Variants in WFDC2 observed in about 807,000 individuals in gnomAD.
The protein encoded by WFDC2 is WAP four-disulfide core domain 2.
A neutral mutation model predicts 12.5 loss-of-function variants in WFDC2; 8 were observed. That is an observed-to-expected ratio of 0.64 (90% CI 0.37 to 1.15). The LOEUF is 1.15. WFDC2 is among the 50% of genes most tolerant of loss of function. The pLI, the probability that WFDC2 is intolerant of heterozygous loss-of-function variation, is 0.01. For synonymous variants in WFDC2, 74 were observed against 67.2 expected (o/e 1.10, Z -0.49); for missense variants, 166 against 159.9 (o/e 1.04, Z -0.21).
Position 45,470,304 on chromosome 20 carries a change from G to A in WFDC2, c.80-85G>A. 6.7e-7 allele frequency: 1 copy of A among 1,483,730 alleles called. No homozygotes were observed. Among genetic ancestry groups the A allele is most frequent in the Non-Finnish European group, 9.0e-7 (1 of 1,112,694 alleles). The allele number at this position is 1,483,730 out of a possible 1,614,324, so 91.9% of individuals were successfully genotyped here. A position where few individuals can be genotyped will look rare whatever the true frequency, so the allele number is the denominator to read the frequency against. ...AGGGCCAGAGACTGAGAATTCCTTGGGGTTAAGGTTTGGAGCAGGAGGTGG... is the reference window on the plus strand; with the variant it reads ...AGGGCCAGAGACTGAGAATTCCTTGAGGTTAAGGTTTGGAGCAGGAGGTGG... On this transcript the variant is annotated intron_variant, in intron 1 of 3. Coordinates refer to ENST00000372676, the MANE Select transcript of WFDC2 (RefSeq NM_006103.4). This position sits in a 1 kb window ranked among gnomAD's most constrained non-coding sequence, Gnocchi z 5.4.
intron 2 of WFDC2, among the ~76,000 whole-genome samples, chr20:45,477,074 T>C (rs1041483805): frequency 6.6e-6 from 1 of 152,064 alleles, no homozygotes; most frequent in Admixed American, 6.5e-5. Context: ...TAGCAATTCC[T>C]ATAACCTTTT....
chr20:45,475,098 C>G (rs1456243366), intron 2 of WFDC2, among the ~76,000 whole-genome samples: 1 of 152,022 alleles, frequency 6.6e-6, no homozygotes, highest in Non-Finnish European at 1.5e-5. Context: ...AGCAGTCAGA[C>G]TATTTTGTTG....
At position 45,469,880 on chromosome 20, in the gene WFDC2, G is replaced by T. The variant is rs1201876925; in HGVS notation, c.79+20G>T. 3 of 1,590,352 alleles carry T rather than the reference G, an allele frequency of 1.9e-6. No homozygotes were observed. Among genetic ancestry groups the T allele is most frequent in the Non-Finnish European group, 2.6e-6 (3 of 1,169,234 alleles). On this transcript the variant is annotated intron_variant, in intron 1 of 3. Transcript: ENST00000372676. ...TCTCAGGTGAGTGGGGCGGGGAGAG[G>T]CCCGGCGCCTAGAGGGGCCGAGCCA...
intron 2 of WFDC2, among the ~76,000 whole-genome samples, chr20:45,477,168 C>A (rs1297346829): frequency 6.6e-6 from 1 of 152,022 alleles, no homozygotes; most frequent in Non-Finnish European, 1.5e-5. Context: ...CCTTCTGAAG[C>A]CTACTTCTGT....
In WFDC2 at chr20:45,470,474, C is replaced by A. The variant is rs772005457; in HGVS notation, c.165C>A (p.Cys55Ter). Reference protein sequence around the residue: ...CTQECVSDSECADNLKCCSAG... With the variant: ...CTQECVSDSE ...AAGAGTGCGTCTCGGACAGCGAATG[C>A]GCCGACAACCTCAAGTGCTGCAGCG... Residue 55 changes from cysteine to a stop codon, truncating the protein, a stop_gained, in exon 2 of 4, where the codon TGC becomes TGA. Transcript: ENST00000372676. LOFTEE classifies it high-confidence loss of function. The surrounding 1 kb of genome is among the most constrained non-coding windows in gnomAD (Gnocchi z 5.4). 1.9e-6 allele frequency: 3 copies of A among 1,596,508 alleles called. No homozygotes were observed. The East Asian group carries it at 6.8e-5, about 36-fold the overall frequency.
rs1991161690 is a variant in WFDC2, at chr20:45,470,800, C to CGGGT, written c.223+271_223+272insTGGG. On this transcript the variant is annotated intron_variant, in intron 2 of 3. Transcript: ENST00000372676. This position sits in a 1 kb window ranked among gnomAD's most constrained non-coding sequence, Gnocchi z 5.4. ...TGACGGGCTTCCGGGCACGCACAGCCGGGACATTGTTCCCCGCGGCCTGGG... is the reference window on the plus strand; with the variant it reads ...TGACGGGCTTCCGGGCACGCACAGCCGGGTGGGACATTGTTCCCCGCGGCCTGGG... Among the ~76,000 whole-genome samples the CGGGT allele has an allele frequency of 6.6e-6, 1 of 152,150 alleles. No homozygotes were observed. Among genetic ancestry groups the CGGGT allele is most frequent in the African/African-American group, 2.4e-5 (1 of 41,454 alleles).
chr20:45,477,704 G>C (rs1206619769), intron 2 of WFDC2, among the ~76,000 whole-genome samples: 2 of 152,222 alleles, frequency 1.3e-5, no homozygotes, highest in African/African-American at 4.8e-5. Context: ...CAAATGCTGT[G>C]CTGGGAGATC....
chr20:45,469,982 C>A, intron 1 of WFDC2, 122 bp downstream of exon 1: 1 of 1,281,986 alleles, frequency 7.8e-7, no homozygotes, highest in Non-Finnish European at 1.1e-6. Context: ...GCGGAAGTGG[C>A]GGGGACCCTT....
chr20:45,477,733 C>G (rs55818401), intron 2 of WFDC2, among the ~76,000 whole-genome samples: 1,643 of 151,786 alleles, frequency 0.011, 28 homozygotes, highest in African/African-American at 0.038. Flanking sequence ...TCTTCAGAAC[C>G]GGCAGGCAGG....
chr20:45,479,782 G>A (rs1991277883), intron 2 of WFDC2, 160 bp from the exon 3 acceptor site: 3 of 1,613,710 alleles, frequency 1.9e-6, no homozygotes, highest in Admixed American at 1.7e-5. Flanking sequence ...GATCTTCCTG[G>A]GCCTCCTGAG....
At chr20:45,478,642 T>C (rs1991263057) in intron 2 of WFDC2, among the ~76,000 whole-genome samples, 1 of 152,120 alleles carries the variant, frequency 6.6e-6, no homozygotes, top group Non-Finnish European at 1.5e-5. Context: ...TTTTTTTTTT[T>C]TGAGATGGAG....
chr20:45,479,654 G>GGA (rs1991275255), intron 2 of WFDC2: 1 of 1,608,648 alleles, frequency 6.2e-7, no homozygotes, highest in African/African-American at 1.3e-5. Context: ...CTGTTCCACT[G>GGA]GCACCTAAAG....
Position 45,474,812 on chromosome 20 carries a change from CTTTTT to C in WFDC2, c.223+4283_223+4287del, listed in dbSNP as rs980588681. Among the ~76,000 whole-genome samples, 3 of 152,138 alleles carry C rather than the reference CTTTTT, an allele frequency of 2.0e-5. No individual in the cohort carries two copies. The South Asian group carries it at 6.2e-4, about 31-fold the overall frequency. ...GGCTGTGAATCTGTCTGGTCCCAGA[CTTTTT>C]TTGGTTGGTAGGCTATTAATTACTG... On this transcript the variant is annotated intron_variant, in intron 2 of 3. Transcript: ENST00000372676.
At chr20:45,471,676 G>C (rs1991174161) in intron 2 of WFDC2, among the ~76,000 whole-genome samples, 2 of 152,186 alleles carry the variant, frequency 1.3e-5, no homozygotes, top group South Asian at 4.1e-4. Context: ...GCAGCAGCCA[G>C]ATGAGAGAGG....
intron 2 of WFDC2, 74 bp from the exon 3 acceptor site, chr20:45,479,868 G>T (rs757652293): frequency 6.2e-7 from 1 of 1,614,046 alleles, no homozygotes; most frequent in East Asian, 2.2e-5. Context: ...GCAGTGGGGG[G>T]GCCATGCTGC....
At chr20:45,472,708 G>A (rs1027738257) in intron 2 of WFDC2, among the ~76,000 whole-genome samples, 1 of 152,252 alleles carries the variant, frequency 6.6e-6, no homozygotes, top group Non-Finnish European at 1.5e-5. Context: ...TATATACCCA[G>A]TAATGGGATT....
rs772005457 is a variant in WFDC2, at chr20:45,470,474, C to G, written c.165C>G (p.Cys55Trp). The change falls in exon 2 of 4, where the codon TGC becomes TGG. Residue 55 changes from cysteine to tryptophan, a missense_variant. Transcript: ENST00000372676. The surrounding 1 kb of genome is among the most constrained non-coding windows in gnomAD (Gnocchi z 5.4). The part of the protein sequence containing the change: ...CTQECVSDSE[C>W]ADNLKCCSAG... ...AAGAGTGCGTCTCGGACAGCGAATGCGCCGACAACCTCAAGTGCTGCAGCG... is the reference window on the plus strand; with the variant it reads ...AAGAGTGCGTCTCGGACAGCGAATGGGCCGACAACCTCAAGTGCTGCAGCG... 1.1e-5 allele frequency: 17 copies of G among 1,596,508 alleles called. No individual in the cohort carries two copies.
At chr20:45,477,886 CT>C (rs1991253173) in intron 2 of WFDC2, among the ~76,000 whole-genome samples, 1 of 152,240 alleles carries the variant, frequency 6.6e-6, no homozygotes, top group Admixed American at 6.5e-5. Flanking sequence ...GAGAGGCAGT[CT>C]GGCTACAGCG....
intron 2 of WFDC2, among the ~76,000 whole-genome samples, chr20:45,476,003 AT>A (rs1055545335): frequency 6.6e-6 from 1 of 150,684 alleles, no homozygotes; most frequent in Non-Finnish European, 1.5e-5. Flanking sequence ...GCAACCCCTG[AT>A]TTTTTTTTGC....
Sources: gnomAD v4.1 joint callset for allele counts (sites outside exome capture counted in the v4.1 genomes callset) on GRCh38, gnomAD v4.1.1 for gene constraint, Gnocchi (gnomAD v3.1) non-coding constraint, MANE v1.5 for transcripts, NCBI Gene and HGNC (gene_info 2026-07-23, HGNC 2026-07-21) for gene names.